CACNA1S: variants seen among roughly 807,000 people sequenced by gnomAD.
CACNA1S encodes the protein calcium voltage-gated channel subunit alpha1 S.
CACNA1S carries 126 observed loss-of-function variants against 207.4 expected under a neutral mutation model. The observed-to-expected ratio is 0.61, with a 90% CI of 0.53 to 0.70. The LOEUF is 0.70. Among genes scored for constraint, CACNA1S ranks in the 30% least tolerant of loss-of-function variants. CACNA1S has a pLI of 0.00. For synonymous variants in CACNA1S, 960 were observed against 932.7 expected, an observed-to-expected ratio of 1.03 and a Z score of -0.53; for missense variants, 2,349 against 2,422.8, an observed-to-expected ratio of 0.97 and a Z score of 0.64.
chr1:201,058,274 G>A (rs1008569656), intron 28 of CACNA1S, 134 bp downstream of exon 28: 20 of 788,884 alleles, frequency 2.5e-5, no homozygotes, highest in African/African-American at 6.8e-5. Context: ...GGCAGAAGCC[G>A]TGACTTGTCA....
At chr1:201,096,354 C>T (rs560841673) in intron 2 of CACNA1S, among the ~76,000 whole-genome samples, 1 of 152,232 alleles carries the variant, frequency 6.6e-6, no homozygotes, top group Non-Finnish European at 1.5e-5. Context: ...TGTGTCCCCT[C>T]TTGCATCATA....
intron 5 of CACNA1S, 130 bp from the exon 6 acceptor site, chr1:201,089,593 G>T: frequency 1.1e-6 from 1 of 888,380 alleles, no homozygotes. Context: ...AAATGCAAAA[G>T]ACAGCTTCAC....
Position 201,065,936 on chromosome 1 carries a change from G to T in CACNA1S, c.2755C>A (p.Gln919Lys). The T allele has an allele frequency of 6.2e-7, 1 of 1,609,688 alleles. No homozygotes were observed. The highest frequency in any genetic ancestry group is 8.5e-7 in the Non-Finnish European group (1 of 1,176,314). ...GTGCTGATGGCCACGAACATGCACT[G>T]CACCACGTGCTGGGGACAGAGGGGC... ...NRAKGLKHVV[Q>K]CMFVAISTIG... The change falls in exon 22 of 44, where the codon CAG becomes AAG. Residue 919 changes from glutamine to lysine, a missense_variant. Physicochemically the swap from Gln to Lys is moderately conservative, Grantham distance 53 (BLOSUM62 1). Transcript: ENST00000362061.
chr1:201,091,822 G>A (rs1055777965), intron 4 of CACNA1S, 30 bp from the exon 5 acceptor site: 4 of 1,606,498 alleles, frequency 2.5e-6, no homozygotes, highest in Non-Finnish European at 2.6e-6. Flanking sequence ...AGGGAAAAGA[G>A]GAGTCGCCTC....
chr1:201,073,502 G>T, intron 15 of CACNA1S, 47 bp downstream of exon 15: 1 of 1,443,512 alleles, frequency 6.9e-7, no homozygotes, highest in Non-Finnish European at 9.8e-7. Flanking sequence ...ACCATGGATT[G>T]GAAGAGCCCC....
chr1:201,040,456 C>A (rs1310644937), intron 42 of CACNA1S, 82 bp from the exon 43 acceptor site: 1 of 1,552,086 alleles, frequency 6.4e-7, no homozygotes. Flanking sequence ...CATCTGAGGG[C>A]AACTCAACCA....
intron 2 of CACNA1S, among the ~76,000 whole-genome samples, chr1:201,108,254 C>A (rs1483902458): frequency 6.6e-6 from 1 of 152,044 alleles, no homozygotes; most frequent in Non-Finnish European, 1.5e-5. Context: ...AAGAGGCATG[C>A]ACCACCAGGC....
chr1:201,081,951 C>T (rs1056069965), intron 10 of CACNA1S, among the ~76,000 whole-genome samples: 11 of 152,120 alleles, frequency 7.2e-5, no homozygotes, highest in African/African-American at 2.7e-4. Context: ...CAGATGCCAG[C>T]CCATGTTTTC....
At chr1:201,100,518 C>T (rs1387874993) in intron 2 of CACNA1S, among the ~76,000 whole-genome samples, 1 of 152,222 alleles carries the variant, frequency 6.6e-6, no homozygotes, top group East Asian at 1.9e-4. Context: ...ATGGGTATCC[C>T]TTGCCATCCT....
At chr1:201,102,086 G>A (rs1662691239) in intron 2 of CACNA1S, among the ~76,000 whole-genome samples, 1 of 152,186 alleles carries the variant, frequency 6.6e-6, no homozygotes, top group Non-Finnish European at 1.5e-5. Flanking sequence ...GCTTCCTTGT[G>A]CCTCCGAGCC....
At position 201,069,510 on chromosome 1, in the gene CACNA1S, C is replaced by T; in HGVS notation, c.2452G>A (p.Ala818Thr). 6.3e-7 allele frequency: 1 copy of T among 1,596,872 alleles called. No homozygotes were observed. ...GAATCAGCCCGGATGGGGTCTTCCG[C>T]AGCCAGTGCAGCGCTGCTGAGCAGG... Reference protein sequence around the residue: ...FILLSSAALAAEDPIRADSMR... With the variant: ...FILLSSAALATEDPIRADSMR... Residue 818 changes from alanine to threonine, a missense_variant, in exon 18 of 44, where the codon GCG becomes ACG. Coordinates refer to ENST00000362061, the MANE Select transcript of CACNA1S (RefSeq NM_000069.3).
intron 2 of CACNA1S, among the ~76,000 whole-genome samples, chr1:201,106,697 C>T (rs1337391248): frequency 6.6e-6 from 1 of 152,130 alleles, no homozygotes; most frequent in Non-Finnish European, 1.5e-5. Flanking sequence ...CTAATCTTCC[C>T]CCTCCACCCT....
At chr1:201,105,913 A>G (rs372578686) in intron 2 of CACNA1S, among the ~76,000 whole-genome samples, 57 of 152,066 alleles carry the variant, frequency 3.7e-4, no homozygotes, top group African/African-American at 1.3e-3. Flanking sequence ...CTTGCCCACA[A>G]CCATCCCCGC....
chr1:201,077,022 G>C lies in CACNA1S; in HGVS notation c.1725C>G (p.Leu575=). Reference sequence around the variant, plus strand: ...TCCCCCCAAAGAGCTGCATGCCCAGGAGGGCGAAGATGACGATGAAGAGGA... The same window carrying C: ...TCCCCCCAAAGAGCTGCATGCCCAGCAGGGCGAAGATGACGATGAAGAGGA... The part of the protein sequence containing the change: ...LLFLFIVIFA[L]LGMQLFGGRY... The change falls in exon 12 of 44, where the codon CTC becomes CTG. Residue 575 remains leucine (L), a synonymous_variant. Coordinates refer to ENST00000362061, the MANE Select transcript of CACNA1S (RefSeq NM_000069.3). 1.9e-6 allele frequency: 3 copies of C among 1,614,144 alleles called. No homozygotes were observed. Among genetic ancestry groups the C allele is most frequent in the Non-Finnish European group, 2.5e-6 (3 of 1,180,014 alleles).
chr1:201,090,664 C>T (rs1464496619), intron 5 of CACNA1S, among the ~76,000 whole-genome samples: 1 of 152,106 alleles, frequency 6.6e-6, no homozygotes, highest in African/African-American at 2.4e-5. Flanking sequence ...TTCAGAGTGT[C>T]GGCCTGACCA....
intron 2 of CACNA1S, among the ~76,000 whole-genome samples, chr1:201,106,714 C>G (rs541407760): frequency 9.9e-5 from 15 of 152,162 alleles, no homozygotes; most frequent in Non-Finnish European, 2.1e-4. Flanking sequence ...CCCTCACCAT[C>G]CCACAGCCCG....
chr1:201,089,041 A>G (rs1662128318), intron 6 of CACNA1S, among the ~76,000 whole-genome samples: 1 of 152,228 alleles, frequency 6.6e-6, no homozygotes, highest in African/African-American at 2.4e-5. Flanking sequence ...GACATATTGT[A>G]TCATGGGGAT....
intron 29 of CACNA1S, 111 bp downstream of exon 29, chr1:201,054,394 G>A: frequency 3.6e-6 from 4 of 1,121,484 alleles, no homozygotes; most frequent in Non-Finnish European, 5.4e-6. Context: ...TGGGGAGGGA[G>A]CCCTGAGTGC....
intron 2 of CACNA1S, among the ~76,000 whole-genome samples, chr1:201,105,691 T>C (rs1440037767): frequency 6.6e-6 from 1 of 152,148 alleles, no homozygotes; most frequent in Non-Finnish European, 1.5e-5. Context: ...TCCTCTTCTA[T>C]TCAGGGAAGA....
Sources: gnomAD v4.1 joint callset for allele counts (sites outside exome capture counted in the v4.1 genomes callset) on GRCh38, gnomAD v4.1.1 for gene constraint, MANE v1.5 for transcripts, NCBI Gene and HGNC (gene_info 2026-07-23, HGNC 2026-07-21) for gene names.